The following SACM1L variants were observed in gnomAD, a reference collection of about 807,000 sequenced individuals.
SACM1L encodes phosphatidylinositol-3-phosphatase SAC1.
In SACM1L, 32 loss-of-function variants were observed where a neutral mutation model predicts 89.5. The observed-to-expected ratio is 0.36, with a 90% CI of 0.27 to 0.48. The LOEUF is 0.48. Among genes scored for constraint, SACM1L ranks in the 20% least tolerant of loss-of-function variants. The pLI is 0.99. For missense variants in SACM1L, 543 were observed against 708.5 expected, an observed-to-expected ratio of 0.77 and a Z score of 2.65; for synonymous variants, 213 against 232.8, an observed-to-expected ratio of 0.92 and a Z score of 0.77.
At chr3:45,726,759 CT>C (rs1390597214) in intron 11 of SACM1L, among the ~76,000 whole-genome samples, 4 of 150,026 alleles carry the variant, frequency 2.7e-5, no homozygotes, top group Non-Finnish European at 5.9e-5. Flanking sequence ...GTTTGCTCTT[CT>C]TTTTCTTGTT....
chr3:45,738,443 A>C (rs1699248456), intron 16 of SACM1L, 135 bp from the exon 17 acceptor site: 1 of 594,408 alleles, frequency 1.7e-6, no homozygotes, highest in Admixed American at 3.3e-5. Flanking sequence ...TTCTTTTGTG[A>C]AGTATCTGTA....
At chr3:45,698,489 A>G (rs138086624) in intron 1 of SACM1L, among the ~76,000 whole-genome samples, 1 of 152,334 alleles carries the variant, frequency 6.6e-6, no homozygotes, top group African/African-American at 2.4e-5. Flanking sequence ...CAAAGGCCTC[A>G]GGACTTTTGA....
intron 1 of SACM1L, chr3:45,689,743 G>T: frequency 1.7e-6 from 1 of 593,280 alleles, no homozygotes; most frequent in Non-Finnish European, 3.0e-6. Flanking sequence ...GAAGAGAGAA[G>T]CTGCCGACTG....
rs995601193 is a variant in SACM1L, at chr3:45,737,638, A to G, written c.1295A>G (p.Lys432Arg). The G allele has an allele frequency of 6.3e-7, 1 of 1,592,288 alleles. No homozygotes were observed. The highest frequency in any genetic ancestry group is 8.5e-7 in the Non-Finnish European group (1 of 1,174,682). ...CTTGAAGAACAAGATGAATTTGAGA[A>G]GATTTACAAAAATGGTAGGTCATTT... is the stretch of plus-strand genomic sequence containing the variant. ...QKLEEQDEFE[K>R]IYKNAWADNA... The change falls in exon 15 of 20, where the codon AAG becomes AGG. Residue 432 changes from lysine (K) to arginine (R), a missense_variant. This residue lies in a region of SACM1L where 370 missense variants were observed against 527.6 expected (regional missense o/e 0.70). Transcript: ENST00000389061.
At position 45,732,034 on chromosome 3, in the gene SACM1L, A is replaced by C. The variant is rs1028322121; in HGVS notation, c.1002-19A>C. 6.9e-7 allele frequency: 1 copy of C among 1,451,302 alleles called. No homozygotes were observed. The highest frequency in any genetic ancestry group is 2.2e-5 in the Admixed American group (1 of 46,486). 89.9% of individuals were successfully genotyped at this position (1,451,302 alleles called of 1,614,324 possible). ...TGAATGATCTCTGGTCGGTTTCTGA[A>C]TATCTTTTCTTTTGGTAGATACATT... On this transcript the variant is annotated intron_variant, in intron 12 of 19. Coordinates refer to ENST00000389061, the MANE Select transcript of SACM1L (RefSeq NM_014016.5).
In SACM1L at chr3:45,712,528, G is replaced by A. The variant is rs112312956; in HGVS notation, c.484-609G>A. Reference sequence around the variant, plus strand: ...TGGGATTATAGGCATGAGCCACCACGTCTGGCCCTAAGTAGAGTTGATTAA... The same window carrying A: ...TGGGATTATAGGCATGAGCCACCACATCTGGCCCTAAGTAGAGTTGATTAA... On this transcript the variant is annotated intron_variant, in intron 5 of 19. Coordinates refer to ENST00000389061, the MANE Select transcript of SACM1L (RefSeq NM_014016.5). Among the ~76,000 whole-genome samples, 705 of 152,314 alleles carry A rather than the reference G, an allele frequency of 4.6e-3. 5 individuals are homozygous for A. The highest frequency in any genetic ancestry group is 0.016 in the African/African-American group (665 of 41,578).
chr3:45,706,338 A>G (rs1698390898), intron 3 of SACM1L, among the ~76,000 whole-genome samples: 1 of 152,190 alleles, frequency 6.6e-6, no homozygotes, highest in Non-Finnish European at 1.5e-5. Flanking sequence ...TTTCTCTACC[A>G]TTTAGAGAGA....
At position 45,689,569 on chromosome 3, in the gene SACM1L, G is replaced by A. The variant is rs929704770; in HGVS notation, c.32+72G>A. The A allele has an allele frequency of 1.1e-5, 17 of 1,499,330 alleles. No individual in the cohort carries two copies. In the African/African-American group the frequency reaches 1.5e-4, roughly 13 times the overall value. 92.9% of individuals were successfully genotyped at this position (1,499,330 alleles called of 1,614,324 possible). A position where few individuals can be genotyped will look rare whatever the true frequency, so the allele number is the denominator to read the frequency against. On this transcript the variant is annotated intron_variant, in intron 1 of 19. Transcript: ENST00000389061. ...AGGTGCGGGCCCTGGCCTCGGGGAG[G>A]GCTTCTGAGTCCCGGATTGCAGATA...
At chr3:45,711,459 T>G (rs1338762155) in intron 5 of SACM1L, among the ~76,000 whole-genome samples, 1 of 151,940 alleles carries the variant, frequency 6.6e-6, no homozygotes, top group African/African-American at 2.4e-5. Context: ...AGACCACAGC[T>G]CTACAAAAAA....
chr3:45,711,894 AT>A (rs1475781615), intron 5 of SACM1L, among the ~76,000 whole-genome samples: 1 of 151,998 alleles, frequency 6.6e-6, no homozygotes, highest in Non-Finnish European at 1.5e-5. Flanking sequence ...GTTCTTTTAT[AT>A]TTTTTTAGTT....
Position 45,735,370 on chromosome 3 carries a change from T to G in SACM1L, c.1236T>G (p.Leu412=). The change falls in exon 14 of 20, where the codon CTT becomes CTG. Residue 412 remains leucine, a synonymous_variant. Coordinates refer to ENST00000389061, the MANE Select transcript of SACM1L (RefSeq NM_014016.5). The part of the protein sequence containing the change: ...LLARRSLQAQ[L]QRLGVLHVGQ... ...CTCGTCGTTCACTTCAGGCCCAACT[T>G]CAGGTGCGAATGCTTTTTTTTTTTT... The G allele has an allele frequency of 6.6e-7, 1 of 1,511,090 alleles. No individual in the cohort carries two copies. The allele number at this position is 1,511,090 out of a possible 1,614,324, so 93.6% of individuals were successfully genotyped here.
Position 45,706,767 on chromosome 3 carries a change from T to A in SACM1L, c.206-13T>A, listed in dbSNP as rs753854366. 1 of 1,587,646 alleles carries A rather than the reference T, an allele frequency of 6.3e-7. No homozygotes were observed. ...ATTTTTATAATTATGTGTGTTTGGC[T>A]TGCTTTTTGCAGGTAATTATCTTAT... On this transcript the variant is annotated splice_polypyrimidine_tract_variant and intron_variant, in intron 3 of 19. Coordinates refer to ENST00000389061, the MANE Select transcript of SACM1L (RefSeq NM_014016.5).
intron 1 of SACM1L, among the ~76,000 whole-genome samples, chr3:45,692,538 C>T (rs1174058540): frequency 2.6e-5 from 4 of 152,110 alleles, no homozygotes; most frequent in South Asian, 2.1e-4. Flanking sequence ...TTGAACTCCT[C>T]GTCTTAAGTG....
At chr3:45,696,267 G>T (rs1406225686) in intron 1 of SACM1L, among the ~76,000 whole-genome samples, 3 of 152,116 alleles carry the variant, frequency 2.0e-5, no homozygotes, top group African/African-American at 7.2e-5. Flanking sequence ...TGAGTGTTGG[G>T]ATTCCAGGCC....
At chr3:45,735,452 A>C in intron 14 of SACM1L, 79 bp downstream of exon 14, 1 of 1,373,964 alleles carries the variant, frequency 7.3e-7, no homozygotes. Context: ...GTAACAAAAA[A>C]TATTCACATT....
chr3:45,689,431 G>A lies in SACM1L; in HGVS notation c.-35G>A, dbSNP rs1207335219. Reference sequence around the variant, plus strand: ...CCGAGGTGGCGGCGCGGGGCGGGGCGGGCGGAGAGAGAAGGAAGGAGGTGG... The same window carrying A: ...CCGAGGTGGCGGCGCGGGGCGGGGCAGGCGGAGAGAGAAGGAAGGAGGTGG... On this transcript the variant is annotated 5_prime_UTR_variant, in exon 1 of 20. Transcript: ENST00000389061. 1 of 1,554,570 alleles carries A rather than the reference G, an allele frequency of 6.4e-7. No individual in the cohort carries two copies.
chr3:45,727,587 G>A (rs1161520493), intron 11 of SACM1L, among the ~76,000 whole-genome samples: 1 of 151,966 alleles, frequency 6.6e-6, no homozygotes, highest in African/African-American at 2.4e-5. Flanking sequence ...TGAAAGTAGG[G>A]TATTGAAGTT....
chr3:45,735,513 T>A, intron 14 of SACM1L, 140 bp downstream of exon 14: 1 of 799,248 alleles, frequency 1.3e-6, no homozygotes, highest in Non-Finnish European at 1.8e-6. Context: ...CCCATGGATG[T>A]CACATTTTCC....
Position 45,703,628 on chromosome 3 carries a change from G to A in SACM1L, c.130+93G>A, listed in dbSNP as rs1425526659. On this transcript the variant is annotated intron_variant, in intron 2 of 19. Coordinates refer to ENST00000389061, the MANE Select transcript of SACM1L (RefSeq NM_014016.5). ...ACATCACTCAGAGGTGTGTCAGTGT[G>A]TGGATCTCTGAGTGCATTCTTATTA... is the stretch of plus-strand genomic sequence containing the variant. 24 of 781,318 alleles carry A rather than the reference G, an allele frequency of 3.1e-5. No individual in the cohort carries two copies. In the Admixed American group the frequency reaches 5.7e-4, roughly 18 times the overall value. The allele number at this position is 781,318 out of a possible 1,614,324, so 48.4% of individuals were successfully genotyped here.
Sources: gnomAD v4.1 joint callset for allele counts (sites outside exome capture counted in the v4.1 genomes callset) on GRCh38, gnomAD v4.1.1 for gene constraint, gnomAD v4.1.1 regional missense constraint, MANE v1.5 for transcripts, NCBI Gene and HGNC (gene_info 2026-07-23, HGNC 2026-07-21) for gene names.